CEACAM6: variants seen among roughly 807,000 people sequenced by gnomAD.
CEACAM6 encodes the protein cell adhesion molecule CEACAM6.
In CEACAM6, 21 loss-of-function variants were observed where a neutral mutation model predicts 32.4. The observed-to-expected ratio is 0.65, with a 90% confidence interval of 0.46 to 0.93. CEACAM6 has a LOEUF of 0.93. Ranked by LOEUF, CEACAM6 falls within the 40% of genes least tolerant of loss-of-function variation. The probability of loss-of-function intolerance (pLI) is 0.00; values close to 1 mark genes in which losing one functional copy is unlikely to be tolerated. For missense variants in CEACAM6, 406 were observed against 432.2 expected (o/e 0.94, Z 0.54); for synonymous variants, 184 against 174.4 (o/e 1.06, Z -0.43).
In CEACAM6 at chr19:41,755,698, C is replaced by T. The variant is rs2072880786; in HGVS notation, c.60C>T (p.Leu20=). The T allele has an allele frequency of 1.9e-6, 3 of 1,604,722 alleles. No homozygotes were observed. In the South Asian group the frequency reaches 3.3e-5, roughly 18 times the overall value. ...ATGTCCCCTGGAAGGAGGTCCTGCT[C>T]ACAGGTGAGGGGAGGACTCCCTCGG... ...RLHVPWKEVL[L]TASLLTFWNP... Residue 20 remains leucine, a synonymous_variant, in exon 1 of 6, where the codon CTC becomes CTT. Transcript: ENST00000199764.
At position 41,764,456 on chromosome 19, in the gene CEACAM6, T is replaced by TA. The variant is rs879965708; in HGVS notation, c.959-1714dup. Among the ~76,000 whole-genome samples, 314 of 145,710 alleles carry TA rather than the reference T, an allele frequency of 2.2e-3. 2 individuals are homozygous for TA. Among genetic ancestry groups the TA allele is most frequent in the African/African-American group, 6.0e-3 (241 of 39,914 alleles). On this transcript the variant is annotated intron_variant, in intron 4 of 5. Coordinates refer to ENST00000199764, the MANE Select transcript of CEACAM6 (RefSeq NM_002483.7). ...CATATGCCATCATGCCTGGCTAGTT[T>TA]AAAAAAAAAAAAATGTGGAGACTGT...
At chr19:41,759,151 C>T (rs913520479) in intron 2 of CEACAM6, among the ~76,000 whole-genome samples, 1 of 152,214 alleles carries the variant, frequency 6.6e-6, no homozygotes, top group Non-Finnish European at 1.5e-5. Flanking sequence ...CAGGACCTTC[C>T]CCAGGTGGAG....
chr19:41,767,031 C>G (rs1241891836), intron 5 of CEACAM6, among the ~76,000 whole-genome samples: 1 of 150,160 alleles, frequency 6.7e-6, no homozygotes, highest in African/African-American at 2.5e-5. Flanking sequence ...AAAAAGAAGC[C>G]AAAGGAACCT....
At chr19:41,759,340 C>T (rs886393696) in intron 2 of CEACAM6, among the ~76,000 whole-genome samples, 1 of 152,232 alleles carries the variant, frequency 6.6e-6, no homozygotes, top group Non-Finnish European at 1.5e-5. Flanking sequence ...TGTGTTTTCT[C>T]AGGTTAACAG....
chr19:41,760,011 T>G (rs1347094216), intron 2 of CEACAM6, among the ~76,000 whole-genome samples: 1 of 152,206 alleles, frequency 6.6e-6, no homozygotes, highest in African/African-American at 2.4e-5. Context: ...TATTCAAAAA[T>G]CCAGAAACAG....
intron 5 of CEACAM6, among the ~76,000 whole-genome samples, chr19:41,770,255 C>CA (rs1158293587): frequency 0.062 from 2,526 of 40,456 alleles, 57 homozygotes; most frequent in African/African-American, 0.096. Flanking sequence ...GCTAAAAATA[C>CA]AAAAAAAAAA....
intron 4 of CEACAM6, among the ~76,000 whole-genome samples, chr19:41,764,385 C>G (rs946107923): frequency 4.6e-5 from 7 of 152,050 alleles, no homozygotes. Flanking sequence ...CCCCTGGGCT[C>G]AAGTGATCCT....
At chr19:41,768,389 C>T (rs563401071) in intron 5 of CEACAM6, among the ~76,000 whole-genome samples, 1 of 152,204 alleles carries the variant, frequency 6.6e-6, no homozygotes, top group Non-Finnish European at 1.5e-5. Flanking sequence ...GGACACAGCA[C>T]ATGTTTCAGA....
intron 2 of CEACAM6, among the ~76,000 whole-genome samples, chr19:41,761,021 T>C (rs999523361): frequency 5.9e-5 from 9 of 152,168 alleles, no homozygotes; most frequent in African/African-American, 2.2e-4. Context: ...ATGCTGCTGC[T>C]CAATTCACAC....
At chr19:41,768,631 G>A (rs1171647507) in intron 5 of CEACAM6, among the ~76,000 whole-genome samples, 5 of 152,214 alleles carry the variant, frequency 3.3e-5, no homozygotes, top group African/African-American at 1.2e-4. Context: ...TCCCAGACGG[G>A]GTGGTGGCCA....
intron 5 of CEACAM6, among the ~76,000 whole-genome samples, chr19:41,766,896 C>T (rs1160308734): frequency 6.6e-6 from 1 of 151,302 alleles, no homozygotes; most frequent in Non-Finnish European, 1.5e-5. Flanking sequence ...GTCCCAGCTA[C>T]TCGGGAGGCT....
intron 2 of CEACAM6, among the ~76,000 whole-genome samples, chr19:41,758,894 G>A: frequency 6.6e-6 from 1 of 152,182 alleles, no homozygotes; most frequent in Non-Finnish European, 1.5e-5. Context: ...ACGAGCCAAT[G>A]TCCCCAAGTC....
chr19:41,763,234 ACT>A (rs2072937212), intron 4 of CEACAM6, among the ~76,000 whole-genome samples: 1 of 151,564 alleles, frequency 6.6e-6, no homozygotes, highest in Non-Finnish European at 1.5e-5. Context: ...CCAAAATGAA[ACT>A]CTGTTCCCAT....
intron 5 of CEACAM6, among the ~76,000 whole-genome samples, chr19:41,768,563 A>G (rs1555822604): frequency 6.6e-6 from 1 of 152,168 alleles, no homozygotes. Context: ...CCCCTTTTCT[A>G]TTCCACAAAA....
At chr19:41,760,145 G>A (rs189806503) in intron 2 of CEACAM6, among the ~76,000 whole-genome samples, 33 of 152,190 alleles carry the variant, frequency 2.2e-4, no homozygotes, top group African/African-American at 7.0e-4. Flanking sequence ...AACTGAAAGC[G>A]CACACCCATT....
rs782546421 is a variant in CEACAM6, at chr19:41,762,129, C to A, written c.864C>A (p.Asn288Lys). 1.9e-6 allele frequency: 3 copies of A among 1,614,190 alleles called. No individual in the cohort carries two copies. Among genetic ancestry groups the A allele is most frequent in the Non-Finnish European group, 2.5e-6 (3 of 1,180,038 alleles). The change falls in exon 4 of 6, where the codon AAC becomes AAA. Residue 288 changes from asparagine (N) to lysine (K), a missense_variant. By Grantham distance (94) the Asn-to-Lys change is moderately conservative. Transcript: ENST00000199764. ...QQSTQELFIP[N>K]ITVNNSGSYM... is the part of the protein sequence containing the mutation. ...CCACACAAGAGCTCTTTATCCCCAA[C>A]ATCACTGTGAATAATAGCGGATCCT...
At chr19:41,758,764 C>T (rs1010296312) in intron 2 of CEACAM6, among the ~76,000 whole-genome samples, 3 of 152,172 alleles carry the variant, frequency 2.0e-5, no homozygotes, top group Non-Finnish European at 2.9e-5. Context: ...CCCAGAAAAC[C>T]CCTCTAACAA....
chr19:41,757,410 G>A lies in CEACAM6; in HGVS notation c.424+451G>A, dbSNP rs868988623. ...GTGATCCTGGGGAGTCTGTGCCAGGGCTGTGTGGTGGCCTCTTGGGCAGGG... is the reference window on the plus strand; with the variant it reads ...GTGATCCTGGGGAGTCTGTGCCAGGACTGTGTGGTGGCCTCTTGGGCAGGG... On this transcript the variant is annotated intron_variant, in intron 2 of 5. Transcript: ENST00000199764. Among the ~76,000 whole-genome samples the A allele has an allele frequency of 4.7e-4, 72 of 152,104 alleles. 1 individual carries two copies. The highest frequency in any genetic ancestry group is 1.7e-3 in the African/African-American group (70 of 41,408).
chr19:41,756,114 G>A (rs1382081832), intron 1 of CEACAM6, among the ~76,000 whole-genome samples: 1 of 152,094 alleles, frequency 6.6e-6, no homozygotes, highest in Non-Finnish European at 1.5e-5. Flanking sequence ...TTTAGTCAAT[G>A]GCATACAACA....
Sources: allele counts gnomAD v4.1 joint callset (sites outside exome capture counted in the v4.1 genomes callset), GRCh38; gene constraint gnomAD v4.1.1; transcripts MANE v1.5; gene names NCBI Gene and HGNC (gene_info 2026-07-23, HGNC 2026-07-21).